SPATA13: variants seen among roughly 807,000 people sequenced by gnomAD.
SPATA13 encodes the protein spermatogenesis-associated protein 13.
In SPATA13, 50 loss-of-function variants were observed where a neutral mutation model predicts 104.0. The ratio of observed to expected loss-of-function variants is 0.48; its 90% CI spans 0.38 to 0.61. The LOEUF is 0.61. SPATA13 is among the 20% of genes least tolerant of loss of function. The pLI is 0.00. For missense variants in SPATA13, 1,524 were observed against 1,690.6 expected (o/e 0.90, Z 1.73); for synonymous variants, 606 against 667.5 (o/e 0.91, Z 1.42).
chr13:24,294,748 C>A lies in SPATA13; in HGVS notation c.3090C>A (p.Ser1030Arg). 1 of 1,589,956 alleles carries A rather than the reference C, an allele frequency of 6.3e-7. No homozygotes were observed. Among genetic ancestry groups the A allele is most frequent in the South Asian group, 1.1e-5 (1 of 90,056 alleles). Residue 1030 changes from serine (S) to arginine (R), a missense_variant, in exon 10 of 13, where the codon AGC becomes AGA. Ser to Arg is a moderately radical substitution (Grantham distance 110). Around this residue, in one of 2 missense-constraint regions of SPATA13, gnomAD observed 435 missense variants for 554.8 expected, o/e 0.78. Coordinates refer to ENST00000382108, the MANE Select transcript of SPATA13 (RefSeq NM_001166271.3). The part of the protein sequence containing the change: ...KYTTQEHGDY[S>R]NIKAAYEAMK... ...ACCTCCCATCTTGCAGTGATTACAG[C>A]AACATAAAGGCAGCATATGAGGCCA... is the stretch of plus-strand genomic sequence containing the variant.
chr13:24,256,832 A>G (rs1873814444), intron 4 of SPATA13, among the ~76,000 whole-genome samples: 2 of 152,214 alleles, frequency 1.3e-5, no homozygotes, highest in South Asian at 4.1e-4. Context: ...CACTTATTGG[A>G]GCCTTATCGG....
chr13:24,284,322 G>A, intron 5 of SPATA13, 51 bp downstream of exon 5: 2 of 1,567,420 alleles, frequency 1.3e-6, no homozygotes, highest in South Asian at 2.3e-5. Context: ...TGATTTTCAG[G>A]GTCCACAACC....
chr13:24,116,046 G>A (rs1880823592), intron 3 of SPATA13, among the ~76,000 whole-genome samples: 2 of 152,218 alleles, frequency 1.3e-5, no homozygotes, highest in South Asian at 4.1e-4. Context: ...GGGGTTCCAG[G>A]TCAGCTGTAT....
chr13:23,999,278 A>G (rs192941387), intron 2 of SPATA13, among the ~76,000 whole-genome samples: 5 of 145,192 alleles, frequency 3.4e-5, no homozygotes, highest in Admixed American at 7.2e-5. Flanking sequence ...ATCAAGTGCT[A>G]TAGGTCCTCC....
chr13:24,270,992 CCTCT>C (rs137979505), intron 4 of SPATA13: 102 of 846,972 alleles, frequency 1.2e-4, no homozygotes, highest in Admixed American at 2.4e-4. Flanking sequence ...CAGTTCTTCC[CCTCT>C]CTCTCTCTCT....
chr13:24,062,853 TG>T (rs983961226), intron 3 of SPATA13, among the ~76,000 whole-genome samples: 5 of 152,174 alleles, frequency 3.3e-5, no homozygotes, highest in Non-Finnish European at 7.3e-5. Context: ...GAGTGGGTTT[TG>T]CCAGGAAATT....
Position 24,278,965 on chromosome 13 carries a change from C to T in SPATA13, c.2165-5170C>T, listed in dbSNP as rs776188647. The T allele has an allele frequency of 1.2e-4, 62 of 515,010 alleles. 1 individual carries two copies. The highest frequency in any genetic ancestry group is 1.9e-4 in the Non-Finnish European group (61 of 320,880). 31.9% of individuals were successfully genotyped at this position (515,010 alleles called of 1,614,324 possible). ...CCTTCCTTCCCTCCTTCCTTCCTTC[C>T]CTCCTTCCCTCCCTCCCTCCCTCCC... is the stretch of plus-strand genomic sequence containing the variant. On this transcript the variant is annotated intron_variant, in intron 4 of 12. Transcript: ENST00000382108.
chr13:24,288,865 C>A (rs1241678040), intron 7 of SPATA13, 134 bp from the exon 8 acceptor site: 1 of 699,422 alleles, frequency 1.4e-6, no homozygotes, highest in Non-Finnish European at 2.2e-6. Flanking sequence ...AGTACGATGA[C>A]CTCATCAGAG....
chr13:24,167,483 C>T (rs1882788404), intron 1 of SPATA13, among the ~76,000 whole-genome samples: 1 of 152,224 alleles, frequency 6.6e-6, no homozygotes, highest in Admixed American at 6.5e-5. Flanking sequence ...AGGCCAGCCT[C>T]CCCAGCAACC....
chr13:24,082,845 A>T (rs1462216576), intron 3 of SPATA13, among the ~76,000 whole-genome samples: 2 of 150,906 alleles, frequency 1.3e-5, no homozygotes, highest in Non-Finnish European at 3.0e-5. Context: ...AAAAAAAAAA[A>T]AAAAAAAAAT....
In SPATA13 at chr13:24,249,475, A is replaced by T; in HGVS notation, c.1654-2A>T. 2 of 1,543,788 alleles carry T rather than the reference A, an allele frequency of 1.3e-6. No homozygotes were observed. The highest frequency in any genetic ancestry group is 1.8e-6 in the Non-Finnish European group (2 of 1,142,560). On this transcript the variant is annotated splice_acceptor_variant, in intron 2 of 12. Transcript: ENST00000382108. LOFTEE classifies it high-confidence loss of function. ...CTCACCTGACCTGTTCGCATTTGAAAGGTCGTCCCTGATGGCCCCTGGAGG... is the reference window on the plus strand; with the variant it reads ...CTCACCTGACCTGTTCGCATTTGAATGGTCGTCCCTGATGGCCCCTGGAGG...
intron 1 of SPATA13, among the ~76,000 whole-genome samples, chr13:24,207,355 G>T (rs926827852): frequency 1.4e-4 from 22 of 152,132 alleles, no homozygotes; most frequent in African/African-American, 5.3e-4. Flanking sequence ...TGCACATCCC[G>T]CACATGTACC....
At chr13:24,145,269 G>C (rs1881892853) in intron 3 of SPATA13, among the ~76,000 whole-genome samples, 1 of 152,214 alleles carries the variant, frequency 6.6e-6, no homozygotes, top group Non-Finnish European at 1.5e-5. Context: ...AGTAGACAGA[G>C]GCAAAGGTCT....
upstream of SPATA13, among the ~76,000 whole-genome samples, chr13:24,157,460 G>A (rs1016930196): frequency 2.6e-5 from 4 of 152,018 alleles, no homozygotes; most frequent in Non-Finnish European, 5.9e-5. Context: ...CACCACGCCC[G>A]GCTAATTTTT....
intron 1 of SPATA13, among the ~76,000 whole-genome samples, chr13:24,207,735 C>T (rs747822871): frequency 7.9e-5 from 12 of 152,174 alleles, no homozygotes; most frequent in Non-Finnish European, 1.3e-4. Context: ...AAATGTTCAG[C>T]GTTCAGTAAC....
intron 3 of SPATA13, among the ~76,000 whole-genome samples, chr13:24,116,812 G>T (rs752554952): frequency 6.7e-6 from 1 of 150,138 alleles, no homozygotes; most frequent in Non-Finnish European, 1.5e-5. Flanking sequence ...AAGGGCCTTT[G>T]GGAGGTAATT....
intron 3 of SPATA13, among the ~76,000 whole-genome samples, chr13:24,101,710 C>A (rs2137802367): frequency 6.6e-6 from 1 of 152,296 alleles, no homozygotes; most frequent in African/African-American, 2.4e-5. Context: ...AATCACGCAC[C>A]TATATAAGTG....
At chr13:24,266,802 T>C (rs553722816) in intron 4 of SPATA13, among the ~76,000 whole-genome samples, 6 of 151,862 alleles carry the variant, frequency 4.0e-5, no homozygotes, top group Non-Finnish European at 8.8e-5. Flanking sequence ...TTTTCTTTTT[T>C]TTTTTCCAAG....
chr13:24,297,607 C>T lies in SPATA13; in HGVS notation c.3455C>T (p.Ala1152Val). 1 of 1,614,184 alleles carries T rather than the reference C, an allele frequency of 6.2e-7. No homozygotes were observed. Among genetic ancestry groups the T allele is most frequent in the South Asian group, 1.1e-5 (1 of 91,080 alleles). ...GACTGCAACCTCAGCGTGAAAAATG[C>T]CTTCAAGCTCGTCAGTAGGACCACA... ...DKDCNLSVKN[A>V]FKLVSRTTDE... The change falls in exon 11 of 13, where the codon GCC becomes GTC. Residue 1152 changes from alanine (A) to valine (V), a missense_variant. Ala to Val is a moderately conservative substitution (Grantham distance 64). Coordinates refer to ENST00000382108, the MANE Select transcript of SPATA13 (RefSeq NM_001166271.3).
Sources: allele counts gnomAD v4.1 joint callset (sites outside exome capture counted in the v4.1 genomes callset), GRCh38; gene constraint gnomAD v4.1.1; regional missense constraint gnomAD v4.1.1; transcripts MANE v1.5; gene names NCBI Gene and HGNC (gene_info 2026-07-23, HGNC 2026-07-21).